Variants in MGAT5 observed in about 807,000 individuals in gnomAD.
The protein encoded by MGAT5 is alpha-1,6-mannosylglycoprotein 6-beta-N-acetylglucosaminyltransferase A.
Under a neutral mutation model 94.3 loss-of-function variants are expected in MGAT5, and 30 were observed. The observed-to-expected ratio is 0.32, with a 90% CI of 0.24 to 0.43. The LOEUF is 0.43. Ranked by LOEUF, MGAT5 falls within the 20% of genes least tolerant of loss-of-function variation. MGAT5 has a pLI of 1.00. For synonymous variants in MGAT5, 310 were observed against 322.9 expected (o/e 0.96, Z 0.43); for missense variants, 691 against 905.5 (o/e 0.76, Z 3.04).
intron 1 of MGAT5, among the ~76,000 whole-genome samples, chr2:134,255,570 A>T (rs1396979582): frequency 6.6e-6 from 1 of 152,042 alleles, no homozygotes; most frequent in Non-Finnish European, 1.5e-5. Context: ...CTTGGAAAAA[A>T]ATTGCAAATG....
At chr2:134,447,187 C>T (rs1277053869) in intron 15 of MGAT5, among the ~76,000 whole-genome samples, 7 of 152,172 alleles carry the variant, frequency 4.6e-5, no homozygotes, top group Non-Finnish European at 7.3e-5. Flanking sequence ...TCAGAGGCAA[C>T]GAGAAACCTC....
At chr2:134,439,982 G>A (rs1487449432) in intron 14 of MGAT5, among the ~76,000 whole-genome samples, 9 of 152,176 alleles carry the variant, frequency 5.9e-5, no homozygotes, top group African/African-American at 2.2e-4. Flanking sequence ...GAAAGGAAAC[G>A]TGAGGAAAAG....
At chr2:134,438,996 C>T (rs947343390) in intron 14 of MGAT5, among the ~76,000 whole-genome samples, 2 of 152,168 alleles carry the variant, frequency 1.3e-5, no homozygotes, top group African/African-American at 4.8e-5. Flanking sequence ...AAAACTCATT[C>T]GGGCTGGAGT....
At chr2:134,341,889 A>G (rs1573862610) in intron 7 of MGAT5, 130 bp downstream of exon 7, 1 of 714,224 alleles carries the variant, frequency 1.4e-6, no homozygotes. Context: ...TAAACAGGAG[A>G]TAAGAAGATT....
At chr2:134,402,356 T>G (rs540748260) in intron 10 of MGAT5, among the ~76,000 whole-genome samples, 1 of 152,334 alleles carries the variant, frequency 6.6e-6, no homozygotes, top group Non-Finnish European at 1.5e-5. Flanking sequence ...CTCATCAAAA[T>G]TTACATTTAT....
chr2:134,145,398 T>C (rs1456032946), intron 1 of MGAT5, among the ~76,000 whole-genome samples: 1 of 152,024 alleles, frequency 6.6e-6, no homozygotes, highest in African/African-American at 2.4e-5. Flanking sequence ...TACAAAAAAT[T>C]AGCTGGGCAT....
At chr2:134,386,357 A>G (rs1681972681) in intron 10 of MGAT5, among the ~76,000 whole-genome samples, 1 of 152,264 alleles carries the variant, frequency 6.6e-6, no homozygotes, top group Non-Finnish European at 1.5e-5. Context: ...AGAACATGCA[A>G]ATGGGTTGGT....
chr2:134,252,705 T>C (rs1682692901), upstream of MGAT5, among the ~76,000 whole-genome samples: 1 of 152,198 alleles, frequency 6.6e-6, no homozygotes, highest in Non-Finnish European at 1.5e-5. Context: ...AGATAGTAAA[T>C]ATTTTAGGCC....
At chr2:134,432,121 T>C (rs559408671) in intron 14 of MGAT5, among the ~76,000 whole-genome samples, 27 of 152,236 alleles carry the variant, frequency 1.8e-4, no homozygotes, top group Non-Finnish European at 3.8e-4. Context: ...TCATTATGCA[T>C]TTCTTGGGAA....
intron 1 of MGAT5, among the ~76,000 whole-genome samples, chr2:134,135,356 A>G (rs1457182075): frequency 1.3e-5 from 2 of 152,120 alleles, no homozygotes; most frequent in African/African-American, 4.8e-5. Flanking sequence ...TCTCTAGACT[A>G]ATGATTCAGC....
chr2:134,120,289 G>A (rs2104854341), exon 1 of MGAT5: 1 of 391,376 alleles, frequency 2.6e-6, no homozygotes, highest in Non-Finnish European at 4.5e-6. Flanking sequence ...GCCCAACAAG[G>A]AGGTAAGAGC....
At chr2:134,217,695 T>C (rs913436076) in intron 1 of MGAT5, among the ~76,000 whole-genome samples, 1 of 152,214 alleles carries the variant, frequency 6.6e-6, no homozygotes, top group African/African-American at 2.4e-5. Flanking sequence ...AGACAAGCCC[T>C]GGGGCTCACC....
rs111308988 is a variant in MGAT5 at position 134,421,995 on chromosome 2, G to A, written c.1678-808G>A. The stretch of plus-strand genomic sequence containing the variant: ...CCCACCTGGGCAACATACAGAGACC[G>A]TGTGTATACAAAAAAAAAAAAAAAT... On this transcript the variant is annotated intron_variant, in intron 12 of 15. Transcript: ENST00000281923. Among the ~76,000 whole-genome samples the A allele has an allele frequency of 7.8e-3, 1,164 of 148,378 alleles. 15 individuals are homozygous for A. The highest frequency in any genetic ancestry group is 0.027 in the African/African-American group (1,079 of 39,848).
intron 10 of MGAT5, among the ~76,000 whole-genome samples, chr2:134,379,670 T>C (rs1573964482): frequency 6.6e-6 from 1 of 152,154 alleles, no homozygotes. Context: ...CACCCAGTGG[T>C]CTTACATTTG....
At chr2:134,223,962 A>C (rs1314663596) in intron 1 of MGAT5, among the ~76,000 whole-genome samples, 1 of 151,752 alleles carries the variant, frequency 6.6e-6, no homozygotes, top group African/African-American at 2.4e-5. Context: ...AATTTTGGAG[A>C]ACTCAGGTAA....
Position 134,386,698 on chromosome 2 carries a change from C to T in MGAT5, c.1381-16290C>T, listed in dbSNP as rs1225048674. On this transcript the variant is annotated intron_variant, in intron 10 of 15. Transcript: ENST00000281923. ...CCCCTCTAAAGAGCTTTCTCTGAAG[C>T]TGTGTCTAGTCTTTACCTACTCCTA... 2.6e-5 allele frequency among the ~76,000 whole-genome samples: 4 copies of T among 152,184 alleles called. No individual in the cohort carries two copies. The East Asian group carries it at 5.8e-4, about 22-fold the overall frequency.
intron 1 of MGAT5, among the ~76,000 whole-genome samples, chr2:134,196,290 T>C (rs1219506604): frequency 6.6e-6 from 1 of 152,192 alleles, no homozygotes; most frequent in Non-Finnish European, 1.5e-5. Context: ...TTTGAAAGTA[T>C]ATTTTTCCCC....
At chr2:134,181,335 C>A (rs1688724671) in intron 1 of MGAT5, among the ~76,000 whole-genome samples, 1 of 152,214 alleles carries the variant, frequency 6.6e-6, no homozygotes, top group Middle Eastern at 3.2e-3. Context: ...AAACCCTGCT[C>A]TACACTCATG....
intron 2 of MGAT5, among the ~76,000 whole-genome samples, chr2:134,304,475 T>A (rs921389384): frequency 9.2e-5 from 14 of 152,136 alleles, no homozygotes; most frequent in African/African-American, 2.9e-4. Flanking sequence ...ACGAACAAAT[T>A]CCCAGGCAGT....
Sources: allele counts gnomAD v4.1 joint callset (sites outside exome capture counted in the v4.1 genomes callset), GRCh38; gene constraint gnomAD v4.1.1; transcripts MANE v1.5; gene names NCBI Gene and HGNC (gene_info 2026-07-23, HGNC 2026-07-21).